NTM: variants seen among roughly 807,000 people sequenced by gnomAD.
NTM encodes IgLON family member 2.
In NTM, 13 loss-of-function variants were observed where a neutral mutation model predicts 42.1. That is an observed-to-expected ratio of 0.31 (90% CI 0.20 to 0.49). The LOEUF (loss-of-function observed/expected upper bound fraction) is 0.49, where lower values mean the gene tolerates loss of function less well. Ranked by LOEUF, NTM falls within the 20% of genes least tolerant of loss-of-function variation. The pLI is 0.99. For missense variants in NTM, 373 were observed against 452.8 expected, an observed-to-expected ratio of 0.82 and a Z score of 1.60; for synonymous variants, 187 against 179.2, an observed-to-expected ratio of 1.04 and a Z score of -0.35.
At chr11:132,148,855 C>G (rs1413516018) in intron 3 of NTM, among the ~76,000 whole-genome samples, 1 of 152,168 alleles carries the variant, frequency 6.6e-6, no homozygotes, top group Non-Finnish European at 1.5e-5. Context: ...TCAATCTTCA[C>G]TCACATCCAA....
At chr11:131,468,473 A>G (rs1358673095) in intron 1 of NTM, among the ~76,000 whole-genome samples, 2 of 152,242 alleles carry the variant, frequency 1.3e-5, no homozygotes, top group African/African-American at 2.4e-5. Context: ...CCTCCACCCC[A>G]AAAGAAAGTC....
At chr11:132,203,855 C>T (rs2081530086) in intron 3 of NTM, among the ~76,000 whole-genome samples, 1 of 152,026 alleles carries the variant, frequency 6.6e-6, no homozygotes, top group Non-Finnish European at 1.5e-5. Flanking sequence ...GCCTAGATCG[C>T]ACCACTGCAC....
At chr11:131,845,082 T>C (rs191273895) in intron 1 of NTM, among the ~76,000 whole-genome samples, 8 of 152,310 alleles carry the variant, frequency 5.3e-5, no homozygotes, top group Non-Finnish European at 7.4e-5. Context: ...AAATTTGCCA[T>C]ATACTTTTGG....
intron 4 of NTM, among the ~76,000 whole-genome samples, chr11:132,221,033 G>A (rs2335467): frequency 0.35 from 53,529 of 151,940 alleles, 10,023 homozygotes; most frequent in Middle Eastern, 0.54. Context: ...AAAGGCTTGG[G>A]GAGTTTCTTG....
At chr11:132,065,599 A>G (rs568866095) in intron 2 of NTM, among the ~76,000 whole-genome samples, 1 of 152,344 alleles carries the variant, frequency 6.6e-6, no homozygotes, top group African/African-American at 2.4e-5. Context: ...TCATAAAGTT[A>G]GAAACCCTTG....
intron 1 of NTM, among the ~76,000 whole-genome samples, chr11:131,837,599 C>T (rs2043676844): frequency 6.6e-6 from 1 of 152,210 alleles, no homozygotes; most frequent in African/African-American, 2.4e-5. Flanking sequence ...CCTTCTGCTA[C>T]ATTTGGCCTG....
At chr11:131,958,020 T>TA (rs1324267482) in intron 2 of NTM, among the ~76,000 whole-genome samples, 2 of 152,040 alleles carry the variant, frequency 1.3e-5, no homozygotes, top group Middle Eastern at 3.4e-3. Flanking sequence ...ATTGGTGCCA[T>TA]AAAAAAAATG....
chr11:132,150,219 G>A (rs563709087), intron 3 of NTM, among the ~76,000 whole-genome samples: 1 of 152,236 alleles, frequency 6.6e-6, no homozygotes, highest in African/African-American at 2.4e-5. Flanking sequence ...ACCAGCTTTC[G>A]AGAAAGCTAA....
At chr11:131,818,785 C>T (rs1488836080) in intron 1 of NTM, among the ~76,000 whole-genome samples, 1 of 152,110 alleles carries the variant, frequency 6.6e-6, no homozygotes, top group East Asian at 1.9e-4. Flanking sequence ...TCCTTCTATC[C>T]AGAATCTATG....
intron 1 of NTM, among the ~76,000 whole-genome samples, chr11:131,738,281 G>T (rs1262550196): frequency 6.6e-6 from 1 of 152,176 alleles, no homozygotes; most frequent in Non-Finnish European, 1.5e-5. Flanking sequence ...CGGTGGCTCT[G>T]GGGTACCCCT....
chr11:131,685,825 G>T (rs2073801175), intron 1 of NTM, among the ~76,000 whole-genome samples: 1 of 152,172 alleles, frequency 6.6e-6, no homozygotes, highest in Non-Finnish European at 1.5e-5. Context: ...TTCACCCATA[G>T]TGTCTAGAAT....
chr11:131,752,124 G>A (rs1430722820), intron 1 of NTM, among the ~76,000 whole-genome samples: 1 of 152,186 alleles, frequency 6.6e-6, no homozygotes, highest in African/African-American at 2.4e-5. Context: ...CTGTTGGGGA[G>A]GATATAGAGC....
At chr11:131,404,613 C>T (rs1334654224) in intron 1 of NTM, among the ~76,000 whole-genome samples, 2 of 152,114 alleles carry the variant, frequency 1.3e-5, no homozygotes, top group Non-Finnish European at 2.9e-5. Flanking sequence ...TTAATAAAGA[C>T]ATCCCACACT....
intron 2 of NTM, among the ~76,000 whole-genome samples, chr11:132,043,050 G>A (rs963315073): frequency 5.3e-5 from 8 of 152,176 alleles, no homozygotes; most frequent in African/African-American, 1.7e-4. Context: ...ATACATTGTA[G>A]AGGCAGGGGC....
At chr11:131,447,924 CCTTGTACTTCTGCGT>C (rs1389433339) in intron 1 of NTM, among the ~76,000 whole-genome samples, 1 of 152,198 alleles carries the variant, frequency 6.6e-6, no homozygotes, top group Non-Finnish European at 1.5e-5. Flanking sequence ...CACTTCCTCG[CCTTGTACTTCTGCGT>C]CTTGGGCAGT....
At chr11:132,248,492 C>A (rs1187598285) in intron 4 of NTM, among the ~76,000 whole-genome samples, 1 of 152,100 alleles carries the variant, frequency 6.6e-6, no homozygotes, top group Non-Finnish European at 1.5e-5. Flanking sequence ...GAGCAAGCTG[C>A]CTCCTGCTTT....
intron 1 of NTM, among the ~76,000 whole-genome samples, chr11:131,601,711 C>A (rs1437551011): frequency 1.3e-5 from 2 of 152,120 alleles, no homozygotes; most frequent in African/African-American, 2.4e-5. Flanking sequence ...ACAAGTTTCT[C>A]AAATTGAATT....
In NTM at chr11:132,048,904, C is replaced by T. The variant is rs541944411; in HGVS notation, c.168-97378C>T. Among the ~76,000 whole-genome samples the T allele has an allele frequency of 1.0e-4, 15 of 148,298 alleles. No homozygotes were observed. The South Asian group carries it at 2.6e-3, about 26-fold the overall frequency. On this transcript the variant is annotated intron_variant, in intron 2 of 8. Coordinates refer to ENST00000683400, the MANE Select transcript of NTM (RefSeq NM_001352005.2). ...CACCTATTTGTGCACGGTGCTGGAT[C>T]GGGGCTTCTGAAGAGTCGGCCCTTA...
chr11:131,956,782 T>C (rs2061604007), intron 2 of NTM, among the ~76,000 whole-genome samples: 1 of 152,170 alleles, frequency 6.6e-6, no homozygotes. Context: ...CTTCACTCTA[T>C]GGTCAGCCTC....
Sources: gnomAD v4.1 joint callset for allele counts (sites outside exome capture counted in the v4.1 genomes callset) on GRCh38, gnomAD v4.1.1 for gene constraint, MANE v1.5 for transcripts, NCBI Gene and HGNC (gene_info 2026-07-23, HGNC 2026-07-21) for gene names.